GUCA1C: variants seen among roughly 807,000 people sequenced by gnomAD.
The protein encoded by GUCA1C is guanylate cyclase activator 1C.
Under a neutral mutation model 16.2 loss-of-function variants are expected in GUCA1C, and 15 were observed. That is an observed-to-expected ratio of 0.93 (90% CI 0.62 to 1.43). The LOEUF is 1.43. GUCA1C is among the 40% of genes most tolerant of loss of function. The probability of loss-of-function intolerance (pLI) is 0.00; values close to 1 mark genes in which losing one functional copy is unlikely to be tolerated. For missense variants in GUCA1C, 275 were observed against 244.8 expected, an observed-to-expected ratio of 1.12 and a Z score of -0.82; for synonymous variants, 78 against 85.4, an observed-to-expected ratio of 0.91 and a Z score of 0.48.
At chr3:108,940,268 G>A (rs1394222713) in intron 1 of GUCA1C, among the ~76,000 whole-genome samples, 2 of 152,126 alleles carry the variant, frequency 1.3e-5, no homozygotes, top group Admixed American at 1.3e-4. Context: ...AATATAAACC[G>A]TTAATTGTGG....
chr3:108,948,335 A>G (rs913704871), intron 1 of GUCA1C, among the ~76,000 whole-genome samples: 1 of 152,148 alleles, frequency 6.6e-6, no homozygotes, highest in African/African-American at 2.4e-5. Flanking sequence ...TCCCGCCACC[A>G]TGTAAAGACG....
chr3:108,947,954 T>C (rs1335794550), intron 1 of GUCA1C, among the ~76,000 whole-genome samples: 2 of 152,224 alleles, frequency 1.3e-5, no homozygotes, highest in Non-Finnish European at 2.9e-5. Flanking sequence ...TTCATCAATG[T>C]CATTTTTTAA....
At chr3:108,944,958 G>T (rs1223579166) in intron 1 of GUCA1C, among the ~76,000 whole-genome samples, 1 of 152,210 alleles carries the variant, frequency 6.6e-6, no homozygotes, top group African/African-American at 2.4e-5. Context: ...GAGAAAGAAG[G>T]CAGCATGCCT....
At chr3:108,934,164 C>T (rs4370035) in intron 1 of GUCA1C, among the ~76,000 whole-genome samples, 62,799 of 150,348 alleles carry the variant, frequency 0.42, 13,278 homozygotes, top group Non-Finnish European at 0.43. Context: ...ACATCACACA[C>T]CAGGGCCTGC....
At chr3:108,936,702 G>A (rs1946730997) in intron 1 of GUCA1C, among the ~76,000 whole-genome samples, 1 of 152,166 alleles carries the variant, frequency 6.6e-6, no homozygotes, top group Non-Finnish European at 1.5e-5. Context: ...TGAGCTACTT[G>A]GTAGTAGACA....
intron 1 of GUCA1C, among the ~76,000 whole-genome samples, chr3:108,942,629 A>G (rs1317009666): frequency 1.3e-5 from 2 of 152,148 alleles, no homozygotes; most frequent in Non-Finnish European, 2.9e-5. Flanking sequence ...ACCCTTCACC[A>G]TATTACCAGG....
At chr3:108,954,006 G>GT (rs917607854), upstream of GUCA1C, 3 of 495,686 alleles carry the variant, frequency 6.1e-6, no homozygotes, top group African/African-American at 3.8e-5. Flanking sequence ...CAGAGACATA[G>GT]TTTTTTGTGA....
At chr3:108,922,325 T>C (rs1013190274) in intron 1 of GUCA1C, among the ~76,000 whole-genome samples, 2 of 152,222 alleles carry the variant, frequency 1.3e-5, no homozygotes, top group African/African-American at 2.4e-5. Flanking sequence ...CTTTTTCATA[T>C]AATGACTTCT....
chr3:108,921,898 C>T (rs1454561480), intron 1 of GUCA1C, among the ~76,000 whole-genome samples: 1 of 152,062 alleles, frequency 6.6e-6, no homozygotes, highest in Non-Finnish European at 1.5e-5. Context: ...GCAGTGAACA[C>T]TGTACCCAAT....
In GUCA1C at chr3:108,920,558, T is replaced by G; in HGVS notation, c.232A>C (p.Ile78Leu). Residue 78 changes from isoleucine to leucine, a missense_variant, in exon 2 of 4, where the codon ATT (isoleucine) becomes CTT (leucine). Physicochemically the swap from Ile to Leu is conservative, Grantham distance 5. Transcript: ENST00000261047. ...TGCATGATTAGATTTACAGCAGCAA[T>G]AAACTCCAAAAAGTCAACAAATCCA... ...KDGFVDFLEFIAAVNLIMQEK... is the reference protein window; with the variant it reads ...KDGFVDFLEFLAAVNLIMQEK... The G allele has an allele frequency of 6.5e-7, 1 of 1,541,274 alleles. No homozygotes were observed. Among genetic ancestry groups the G allele is most frequent in the Non-Finnish European group, 9.0e-7 (1 of 1,114,202 alleles).
At chr3:108,952,907 A>G (rs1946908718) in intron 1 of GUCA1C, among the ~76,000 whole-genome samples, 1 of 142,012 alleles carries the variant, frequency 7.0e-6, no homozygotes, top group Admixed American at 7.0e-5. Flanking sequence ...TCTTCTTTGT[A>G]TTTTTTCAAG....
At chr3:108,925,521 GA>G (rs1364026142) in intron 1 of GUCA1C, among the ~76,000 whole-genome samples, 5 of 152,146 alleles carry the variant, frequency 3.3e-5, no homozygotes, top group African/African-American at 1.2e-4. Context: ...CAAATTTACT[GA>G]GACTTGTTTT....
chr3:108,945,418 C>T (rs1048004236), intron 1 of GUCA1C, among the ~76,000 whole-genome samples: 3 of 152,198 alleles, frequency 2.0e-5, no homozygotes, highest in African/African-American at 7.2e-5. Flanking sequence ...GAGCCACATA[C>T]TTTCATTTTG....
intron 1 of GUCA1C, among the ~76,000 whole-genome samples, chr3:108,943,601 G>GT (rs1946813163): frequency 6.6e-6 from 1 of 152,142 alleles, no homozygotes; most frequent in Non-Finnish European, 1.5e-5. Context: ...CACATTTGGG[G>GT]TTTACATGCA....
chr3:108,925,082 T>G (rs1946610192), intron 1 of GUCA1C, among the ~76,000 whole-genome samples: 1 of 146,136 alleles, frequency 6.8e-6, no homozygotes, highest in African/African-American at 2.5e-5. Context: ...AAGAACCAGC[T>G]TTTTGTTTCA....
chr3:108,947,838 G>A (rs1469322643), intron 1 of GUCA1C, among the ~76,000 whole-genome samples: 1 of 152,148 alleles, frequency 6.6e-6, no homozygotes, highest in Non-Finnish European at 1.5e-5. Flanking sequence ...AATTTTGGTA[G>A]TTTTCCTTGT....
chr3:108,955,100 GGTCTCT>G (rs1207138933), upstream of GUCA1C, among the ~76,000 whole-genome samples: 5 of 152,048 alleles, frequency 3.3e-5, no homozygotes, highest in Admixed American at 6.5e-5. Context: ...TCATATATCT[GGTCTCT>G]GTCTTTGTCC....
chr3:108,931,118 C>T (rs1245297607), intron 1 of GUCA1C, among the ~76,000 whole-genome samples: 3 of 152,170 alleles, frequency 2.0e-5, no homozygotes, highest in African/African-American at 7.2e-5. Context: ...AGCATCCTCC[C>T]TGCAAGCCTG....
intron 3 of GUCA1C, 174 bp downstream of exon 3, chr3:108,915,953 T>C: frequency 1.5e-6 from 1 of 661,454 alleles, no homozygotes; most frequent in Non-Finnish European, 2.5e-6. Context: ...ATATGATCAA[T>C]AAATATTTAC....
Sources: gnomAD v4.1 joint callset for allele counts (sites outside exome capture counted in the v4.1 genomes callset) on GRCh38, gnomAD v4.1.1 for gene constraint, MANE v1.5 for transcripts, NCBI Gene and HGNC (gene_info 2026-07-23, HGNC 2026-07-21) for gene names.